ASTN2: variants seen among roughly 807,000 people sequenced by gnomAD.
ASTN2 encodes astrotactin-2.
ASTN2 carries 54 observed loss-of-function variants against 139.8 expected under a neutral mutation model. The observed-to-expected ratio is 0.39, with a 90% CI of 0.31 to 0.48. ASTN2 has a LOEUF of 0.48. ASTN2 is among the 20% of genes least tolerant of loss of function. The pLI, the probability that ASTN2 is intolerant of heterozygous loss-of-function variation, is 0.95. For synonymous variants in ASTN2, 756 were observed against 719.5 expected, an observed-to-expected ratio of 1.05 and a Z score of -0.81; for missense variants, 1,565 against 1,725.1, an observed-to-expected ratio of 0.91 and a Z score of 1.64.
intron 11 of ASTN2, among the ~76,000 whole-genome samples, chr9:116,825,073 G>A (rs979916338): frequency 6.6e-6 from 1 of 152,202 alleles, no homozygotes; most frequent in Non-Finnish European, 1.5e-5. Context: ...ACCAGGCACT[G>A]TCACTTGCTT....
At chr9:117,208,329 G>C (rs2133007938) in intron 3 of ASTN2, among the ~76,000 whole-genome samples, 1 of 151,152 alleles carries the variant, frequency 6.6e-6, no homozygotes, top group South Asian at 2.1e-4. Flanking sequence ...AACCAAACAG[G>C]AACAAAGAGC....
Position 116,651,512 on chromosome 9 carries a change from G to T in ASTN2, c.3072+16C>A. 6.2e-7 allele frequency: 1 copy of T among 1,609,778 alleles called. No homozygotes were observed. Among genetic ancestry groups the T allele is most frequent in the South Asian group, 1.1e-5 (1 of 90,894 alleles). ...CTGGTCAAGTTTGACTGAGTGGCTG[G>T]GCCAGGGGAGCTCACCTCCTTTGTG... On this transcript the variant is annotated intron_variant, in intron 17 of 22. Transcript: ENST00000313400.
intron 4 of ASTN2, among the ~76,000 whole-genome samples, chr9:117,097,825 A>C (rs926024020): frequency 3.3e-5 from 5 of 152,222 alleles, no homozygotes; most frequent in African/African-American, 1.2e-4. Context: ...AGTATACAGA[A>C]ATTCTACTTG....
intron 1 of ASTN2, among the ~76,000 whole-genome samples, chr9:117,365,622 G>C (rs772853523): frequency 1.3e-4 from 20 of 152,122 alleles, no homozygotes; most frequent in Non-Finnish European, 2.4e-4. Flanking sequence ...ACAGTTATGT[G>C]AGCCATCCCA....
rs192129570 is a variant in ASTN2 at position 116,606,346 on chromosome 9, C to A, written c.3355+11978G>T. On this transcript the variant is annotated intron_variant, in intron 19 of 22. Coordinates refer to ENST00000313400, the MANE Select transcript of ASTN2 (RefSeq NM_001365068.1). ...GTAGGAGACAGGGAGGGAGAGTGAG[C>A]ATTTCAAAAGTTAGTTCAGAAGGGT... Among the ~76,000 whole-genome samples the A allele has an allele frequency of 1.3e-4, 20 of 152,146 alleles. No individual in the cohort carries two copies. The East Asian group carries it at 3.5e-3, about 27-fold the overall frequency.
chr9:116,857,553 T>G (rs1429253836), intron 11 of ASTN2, among the ~76,000 whole-genome samples: 2 of 152,148 alleles, frequency 1.3e-5, no homozygotes, highest in African/African-American at 2.4e-5. Context: ...GTGACAAAGC[T>G]GATGCTATGG....
At chr9:116,706,177 T>G (rs548641829) in intron 16 of ASTN2, among the ~76,000 whole-genome samples, 61 of 152,278 alleles carry the variant, frequency 4.0e-4, no homozygotes, top group African/African-American at 1.4e-3. Flanking sequence ...AATCACTGAT[T>G]GACATTGTCT....
In ASTN2 at chr9:117,229,895, C is replaced by A. The variant is rs1442766507; in HGVS notation, c.631-15153G>T. On this transcript the variant is annotated intron_variant, in intron 2 of 22. Transcript: ENST00000313400. ...TGGTGGCTCAGGCCTATACTCCCAGCATGTTGCGAGGCTGAAGTGGGAGAA... is the reference window on the plus strand; with the variant it reads ...TGGTGGCTCAGGCCTATACTCCCAGAATGTTGCGAGGCTGAAGTGGGAGAA... Among the ~76,000 whole-genome samples, 3 of 152,166 alleles carry A rather than the reference C, an allele frequency of 2.0e-5. No individual in the cohort carries two copies. The East Asian group carries it at 5.8e-4, about 29-fold the overall frequency.
chr9:116,614,574 C>G (rs1855739050), intron 19 of ASTN2, among the ~76,000 whole-genome samples: 3 of 152,140 alleles, frequency 2.0e-5, no homozygotes, highest in African/African-American at 7.2e-5. Context: ...TACCACACAT[C>G]TATAACCATC....
At chr9:116,840,228 C>G (rs4507844) in intron 11 of ASTN2, among the ~76,000 whole-genome samples, 31,791 of 141,584 alleles carry the variant, frequency 0.22, 4,285 homozygotes, top group East Asian at 0.45. Context: ...CAAGGCAGAA[C>G]AATTTTTCTT....
intron 19 of ASTN2, among the ~76,000 whole-genome samples, chr9:116,539,319 TG>T (rs1482426880): frequency 6.6e-6 from 1 of 151,530 alleles, no homozygotes; most frequent in Non-Finnish European, 1.5e-5. Context: ...ACACTTTCAA[TG>T]GGTGAAGTTG....
At chr9:116,504,480 G>C (rs1288432401) in intron 19 of ASTN2, 1 of 152,146 alleles carries the variant, frequency 6.6e-6, no homozygotes, top group African/African-American at 2.4e-5. Flanking sequence ...ATAATAACTA[G>C]TGTTTATTAA....
chr9:116,973,658 CT>C (rs1836271165), intron 10 of ASTN2, among the ~76,000 whole-genome samples: 1 of 152,144 alleles, frequency 6.6e-6, no homozygotes, highest in East Asian at 1.9e-4. Context: ...CTTGCTTTAT[CT>C]TTAAAATATA....
intron 5 of ASTN2, among the ~76,000 whole-genome samples, chr9:117,052,487 C>T (rs913668519): frequency 6.6e-6 from 1 of 151,140 alleles, no homozygotes; most frequent in African/African-American, 2.4e-5. Context: ...GCATGACATG[C>T]ACTGCATAGC....
intron 21 of ASTN2, 32 bp from the exon 22 acceptor site, chr9:116,440,824 T>G: frequency 6.3e-7 from 1 of 1,591,592 alleles, no homozygotes; most frequent in Non-Finnish European, 8.6e-7. Context: ...AACAGATCAC[T>G]GGGTGGTGAA....
At chr9:117,351,467 C>T (rs1829383818) in intron 1 of ASTN2, among the ~76,000 whole-genome samples, 1 of 152,164 alleles carries the variant, frequency 6.6e-6, no homozygotes, top group African/African-American at 2.4e-5. Flanking sequence ...GCCTAAGCTG[C>T]CTTTACTTGA....
intron 1 of ASTN2, among the ~76,000 whole-genome samples, chr9:117,301,461 G>T (rs139297870): frequency 0.011 from 1,741 of 152,250 alleles, 39 homozygotes; most frequent in African/African-American, 0.04. Context: ...ACCCACATAG[G>T]TAAAGTAGAT....
chr9:116,627,421 G>A (rs1385539493), intron 17 of ASTN2, among the ~76,000 whole-genome samples: 1 of 152,148 alleles, frequency 6.6e-6, no homozygotes, highest in African/African-American at 2.4e-5. Flanking sequence ...CACAGACTAG[G>A]AGGCCCAAAG....
At chr9:116,728,395 G>A (rs1306442573) in intron 15 of ASTN2, among the ~76,000 whole-genome samples, 1 of 152,054 alleles carries the variant, frequency 6.6e-6, no homozygotes, top group African/African-American at 2.4e-5. Flanking sequence ...AGACAAAGAG[G>A]TCCAGGCAGA....
Sources: allele counts gnomAD v4.1 joint callset (sites outside exome capture counted in the v4.1 genomes callset), GRCh38; gene constraint gnomAD v4.1.1; transcripts MANE v1.5; gene names NCBI Gene and HGNC (gene_info 2026-07-23, HGNC 2026-07-21).